Variants in RELL1 observed in about 807,000 individuals in gnomAD.
RELL1 encodes RELT-like protein 1.
Under a neutral mutation model 23.0 loss-of-function variants are expected in RELL1, and 10 were observed. The ratio of observed to expected loss-of-function variants is 0.43; its 90% CI spans 0.27 to 0.74. The LOEUF is 0.74. Ranked by LOEUF, RELL1 falls within the 30% of genes least tolerant of loss-of-function variation. The pLI, the probability that RELL1 is intolerant of heterozygous loss-of-function variation, is 0.19. For synonymous variants in RELL1, 146 were observed against 146.8 expected, an observed-to-expected ratio of 0.99 and a Z score of 0.04; for missense variants, 315 against 364.4, an observed-to-expected ratio of 0.86 and a Z score of 1.10.
chr4:37,664,108 T>G (rs1577600252), intron 1 of RELL1, among the ~76,000 whole-genome samples: 1 of 152,198 alleles, frequency 6.6e-6, no homozygotes, highest in Non-Finnish European at 1.5e-5. Context: ...CCGGGCGCAG[T>G]GGCTCATGCC....
intron 2 of RELL1, among the ~76,000 whole-genome samples, chr4:37,648,333 C>T (rs1338893576): frequency 3.3e-5 from 5 of 152,240 alleles, no homozygotes; most frequent in African/African-American, 1.2e-4. Flanking sequence ...AATCCTGTTC[C>T]TTCTCAGCCT....
At chr4:37,660,461 A>G (rs769629613) in intron 1 of RELL1, among the ~76,000 whole-genome samples, 19 of 152,188 alleles carry the variant, frequency 1.2e-4, no homozygotes, top group Non-Finnish European at 2.1e-4. Context: ...CAATTTTTTC[A>G]TAACTCCTTT....
Position 37,638,448 on chromosome 4 carries a change from T to C in RELL1, c.442A>G (p.Ser148Gly), listed in dbSNP as rs1373122128. ...AAGAAAGAGGGGAGGAGCACTCACCTTTCAGGATCATACAGGCTGTTATCT... is the reference window on the plus strand; with the variant it reads ...AAGAAAGAGGGGAGGAGCACTCACCCTTCAGGATCATACAGGCTGTTATCT... ...VADNSLYDPESPVTPSTPGSP... is the reference protein window; with the variant it reads ...VADNSLYDPEGPVTPSTPGSP... Residue 148 changes from serine to glycine, a missense_variant and splice_region_variant, in exon 4 of 7, where the codon AGC becomes GGC. Transcript: ENST00000454158. The C allele has an allele frequency of 6.2e-7, 1 of 1,611,594 alleles. No homozygotes were observed. The highest frequency in any genetic ancestry group is 2.2e-5 in the East Asian group (1 of 44,846).
intron 1 of RELL1, chr4:37,665,419 C>A: frequency 2.6e-6 from 1 of 388,066 alleles, no homozygotes; most frequent in Non-Finnish European, 5.1e-6. Flanking sequence ...CAGCACATTC[C>A]TAAACCCAGC....
intron 1 of RELL1, among the ~76,000 whole-genome samples, chr4:37,680,579 T>C (rs1241199727): frequency 2.0e-5 from 3 of 152,192 alleles, no homozygotes; most frequent in African/African-American, 7.2e-5. Flanking sequence ...AAAGTCATGA[T>C]ACAAAGTTAT....
chr4:37,683,447 G>A (rs1322451281), intron 1 of RELL1, among the ~76,000 whole-genome samples: 5 of 152,330 alleles, frequency 3.3e-5, no homozygotes, highest in East Asian at 1.9e-4. Flanking sequence ...ACAGGGTTAT[G>A]AGCAATGAGT....
chr4:37,635,356 C>T (rs1720288079), intron 4 of RELL1, among the ~76,000 whole-genome samples: 1 of 152,138 alleles, frequency 6.6e-6, no homozygotes, highest in African/African-American at 2.4e-5. Flanking sequence ...TCAGGCACAA[C>T]AGCTCATGCC....
chr4:37,640,201 A>G (rs774106946), intron 3 of RELL1, among the ~76,000 whole-genome samples: 14 of 152,210 alleles, frequency 9.2e-5, no homozygotes, highest in Non-Finnish European at 1.5e-4. Flanking sequence ...TCTTTTGCCA[A>G]AAGAAATACT....
downstream of RELL1, among the ~76,000 whole-genome samples, chr4:37,607,451 C>A (rs1383010690): frequency 6.6e-6 from 1 of 152,146 alleles, no homozygotes; most frequent in East Asian, 1.9e-4. Context: ...TTTTATTGCA[C>A]TTTGCTGTAG....
At chr4:37,660,923 C>A (rs1371431347) in intron 1 of RELL1, among the ~76,000 whole-genome samples, 8 of 151,470 alleles carry the variant, frequency 5.3e-5, no homozygotes, top group African/African-American at 1.9e-4. Flanking sequence ...CCCAGCTACT[C>A]GGGAGGCTGA....
At chr4:37,657,362 G>A (rs575206287) in intron 1 of RELL1, among the ~76,000 whole-genome samples, 1 of 152,298 alleles carries the variant, frequency 6.6e-6, no homozygotes, top group East Asian at 1.9e-4. Flanking sequence ...CTCCTTCTGA[G>A]CAAGCAAGGA....
At chr4:37,594,256 T>C (rs924006679) in intron 6 of RELL1, among the ~76,000 whole-genome samples, 3 of 152,228 alleles carry the variant, frequency 2.0e-5, no homozygotes, top group Non-Finnish European at 4.4e-5. Flanking sequence ...TGTCTAACAG[T>C]GAGCTGTCTG....
At chr4:37,591,098 C>T in exon 7 of RELL1, 1 of 980,526 alleles carries the variant, frequency 1.0e-6, no homozygotes. Flanking sequence ...CCAGCATGCA[C>T]CAGTGCAGCC....
Position 37,604,858 on chromosome 4 carries a change from C to G in RELL1, c.*4-13641G>C, listed in dbSNP as rs1314053040. ...ACACACAGACACACACACAGACACA[C>G]ACACACAGACACACACACACATACA... On this transcript the variant is annotated intron_variant, in intron 6 of 6. Coordinates refer to the RELL1 transcript ENST00000314117. 3.5e-4 allele frequency among the ~76,000 whole-genome samples: 38 copies of G among 109,646 alleles called. 1 individual carries two copies. The highest frequency in any genetic ancestry group is 1.5e-3 in the African/African-American group (35 of 22,918). 71.9% of individuals were successfully genotyped at this position (109,646 alleles called of 152,430 possible). A position where few individuals can be genotyped will look rare whatever the true frequency, so the allele number is the denominator to read the frequency against.
chr4:37,640,591 C>T (rs756117675), intron 3 of RELL1, among the ~76,000 whole-genome samples: 3 of 152,192 alleles, frequency 2.0e-5, no homozygotes, highest in Non-Finnish European at 4.4e-5. Flanking sequence ...TGATATGAAA[C>T]ACATCTCCCC....
downstream of RELL1, among the ~76,000 whole-genome samples, chr4:37,607,374 C>T (rs947710796): frequency 3.3e-5 from 5 of 152,144 alleles, no homozygotes; most frequent in Non-Finnish European, 7.3e-5. Flanking sequence ...CTCTGTACTG[C>T]TTTTGCAACT....
intron 1 of RELL1, among the ~76,000 whole-genome samples, chr4:37,685,638 T>C (rs1722377952): frequency 6.6e-6 from 1 of 152,230 alleles, no homozygotes; most frequent in Non-Finnish European, 1.5e-5. Flanking sequence ...GCCTGATTTA[T>C]ACAGGATATA....
chr4:37,660,875 T>C (rs1018817785), intron 1 of RELL1, among the ~76,000 whole-genome samples: 14 of 151,902 alleles, frequency 9.2e-5, no homozygotes, highest in Admixed American at 3.9e-4. Flanking sequence ...ACTAAAAATA[T>C]AACAGATTAG....
intron 6 of RELL1, among the ~76,000 whole-genome samples, chr4:37,601,503 G>A (rs1049916458): frequency 1.3e-5 from 2 of 152,206 alleles, no homozygotes; most frequent in Admixed American, 6.5e-5. Flanking sequence ...AGACAGCAAA[G>A]GCATCTGAAT....
Sources: allele counts gnomAD v4.1 joint callset (sites outside exome capture counted in the v4.1 genomes callset), GRCh38; gene constraint gnomAD v4.1.1; transcripts MANE v1.5; gene names NCBI Gene and HGNC (gene_info 2026-07-23, HGNC 2026-07-21).